Variants in ZNF219 observed in about 807,000 individuals in gnomAD.
ZNF219 encodes the protein zinc finger protein 219.
In ZNF219, 17 loss-of-function variants were observed where a neutral mutation model predicts 54.4. The observed-to-expected ratio is 0.31, with a 90% CI of 0.21 to 0.47. The LOEUF (loss-of-function observed/expected upper bound fraction) is 0.47, where lower values mean the gene tolerates loss of function less well. Ranked by LOEUF, ZNF219 falls within the 20% of genes least tolerant of loss-of-function variation. ZNF219 has a pLI of 1.00. For synonymous variants in ZNF219, 518 were observed against 476.4 expected (o/e 1.09, Z -1.14); for missense variants, 1,014 against 1,062.3 (o/e 0.95, Z 0.63).
At chr14:21,103,437 C>G, upstream of ZNF219, 1 of 1,046,144 alleles carries the variant, frequency 9.6e-7, no homozygotes, top group South Asian at 1.7e-5. Context: ...CCTCACCTCA[C>G]CACCCTGAAA....
chr14:21,101,103 G>A (rs117857096), upstream of ZNF219: 207 of 372,454 alleles, frequency 5.6e-4, no homozygotes, highest in East Asian at 6.0e-3. Flanking sequence ...CAAGTTTGTC[G>A]TCTGCTCTGA....
At chr14:21,102,596 GCGGGGT>G (rs1457957343), upstream of ZNF219, 1 of 1,551,184 alleles carries the variant, frequency 6.4e-7, no homozygotes, top group Non-Finnish European at 8.7e-7. Flanking sequence ...GCAAACAGGT[GCGGGGT>G]CCCTGCATTC....
chr14:21,103,080 G>C, upstream of ZNF219: 10 of 1,550,824 alleles, frequency 6.4e-6, no homozygotes, highest in South Asian at 1.2e-5. Flanking sequence ...AGTTGTTTCT[G>C]TCTGGGGTTT....
chr14:21,101,992 G>T (rs1292700606), upstream of ZNF219: 1 of 1,551,024 alleles, frequency 6.4e-7, no homozygotes, highest in Non-Finnish European at 8.7e-7. Context: ...CCCACCACAA[G>T]GGAGGGTGGA....
intron 3 of ZNF219, 139 bp downstream of exon 3, chr14:21,091,726 G>A (rs1453158053): frequency 2.8e-6 from 4 of 1,442,882 alleles, no homozygotes; most frequent in Non-Finnish European, 3.6e-6. Flanking sequence ...AAGCCTCCAG[G>A]AAAACAAAAC....
upstream of ZNF219, chr14:21,101,457 G>A (rs1409438278): frequency 6.4e-7 from 1 of 1,550,772 alleles, no homozygotes; most frequent in Non-Finnish European, 8.7e-7. Context: ...TAGCGGTGAG[G>A]CCAGGCTACC....
rs773258679 is a variant in ZNF219 at position 21,092,935 on chromosome 14, A to T, written c.362T>A (p.Leu121Gln). ...RPRSPAARLL[L>Q]ELEERALLRE... ...TAGTAGCGCGCGCTCTTCCAACTCC[A>T]GCAACAGGCGTGCAGCAGGACTACG... The change falls in exon 3 of 5, where the codon CTG becomes CAG. Residue 121 changes from leucine (L) to glutamine (Q), a missense_variant. Around this residue, in one of 5 missense-constraint regions of ZNF219, gnomAD observed 395 missense variants for 415.1 expected, o/e 0.95. Transcript: ENST00000360947. 2 of 1,570,892 alleles carry T rather than the reference A, an allele frequency of 1.3e-6. No individual in the cohort carries two copies. Among genetic ancestry groups the T allele is most frequent in the African/African-American group, 1.4e-5 (1 of 73,524 alleles).
exon 1 of ZNF219, chr14:21,104,673 A>T: frequency 6.6e-6 from 1 of 152,258 alleles, no homozygotes; most frequent in East Asian, 1.9e-4. Flanking sequence ...TTGACATTGC[A>T]GTGGCGTCCG....
rs1339025789 is a variant in ZNF219 at position 21,093,610 on chromosome 14, T to G, written c.-19A>C. 1.9e-6 allele frequency: 3 copies of G among 1,614,150 alleles called. No homozygotes were observed. The Admixed American group carries it at 5.0e-5, about 27-fold the overall frequency. On this transcript the variant is annotated 5_prime_UTR_variant, in exon 2 of 5. Transcript: ENST00000360947. ...CCTCCATGGACCCCCTTCACATTCT[T>G]TGGTTCTGGGAAGTGCAGGGAAGAG...
At position 21,090,410 on chromosome 14, in the gene ZNF219, C is replaced by G; in HGVS notation, c.*126G>C. The G allele has an allele frequency of 7.4e-7, 1 of 1,342,366 alleles. No individual in the cohort carries two copies. Among genetic ancestry groups the G allele is most frequent in the Non-Finnish European group, 1.0e-6 (1 of 994,456 alleles). 83.2% of individuals were successfully genotyped at this position (1,342,366 alleles called of 1,614,324 possible). ...CCTACGCCCGCCGCGCCTTCCACCT[C>G]TGGTCCGCCTGGGGCTGGGATATGG... On this transcript the variant is annotated 3_prime_UTR_variant, in exon 5 of 5. Coordinates refer to ENST00000360947, the MANE Select transcript of ZNF219 (RefSeq NM_016423.3). This position sits in a 1 kb window ranked among gnomAD's most constrained non-coding sequence, Gnocchi z 4.4.
rs762261719 is a variant in ZNF219, at chr14:21,090,800, C to T, written c.1905G>A (p.Pro635=). 1.9e-6 allele frequency: 3 copies of T among 1,572,830 alleles called. No homozygotes were observed. The highest frequency in any genetic ancestry group is 1.2e-5 in the South Asian group (1 of 86,202). Residue 635 remains proline (P), a synonymous_variant, in exon 5 of 5, where the codon CCG becomes CCA. Coordinates refer to ENST00000360947, the MANE Select transcript of ZNF219 (RefSeq NM_016423.3). The surrounding 1 kb of genome is among the most constrained non-coding windows in gnomAD (Gnocchi z 4.4). The part of the protein sequence containing the change: ...EPLDLSLRAG[P]GGEAGPGGAL... ...CACCCCCAGGCCCGGCCTCGCCTCC[C>T]GGCCCTGCCCGCAAGGACAGGTCCA...
At chr14:21,093,809 A>T in intron 1 of ZNF219, 135 bp from the exon 2 acceptor site, 1 of 766,654 alleles carries the variant, frequency 1.3e-6, no homozygotes, top group Non-Finnish European at 2.2e-6. Flanking sequence ...TTGAGGCACG[A>T]AGGGGCTGCT....
rs1280566846 is a variant in ZNF219 at position 21,092,774 on chromosome 14, A to C, written c.523T>G (p.Ser175Ala). 2 of 1,582,322 alleles carry C rather than the reference A, an allele frequency of 1.3e-6. No homozygotes were observed. The highest frequency in any genetic ancestry group is 1.7e-6 in the Non-Finnish European group (2 of 1,163,530). The change falls in exon 3 of 5, where the codon TCG becomes GCG. Residue 175 changes from serine (S) to alanine (A), a missense_variant. By Grantham distance (99) the Ser-to-Ala change is moderately conservative. This residue lies in a region of ZNF219 where 395 missense variants were observed against 415.1 expected (regional missense o/e 0.95). Transcript: ENST00000360947. Reference protein sequence around the residue: ...CPYCKGKFRTSAERERHLHIL... With the variant: ...CPYCKGKFRTAAERERHLHIL... ...TGCAGGTGGCGTTCGCGCTCCGCCG[A>C]GGTGCGAAACTTGCCTTTGCAGTAG...
At position 21,096,674 on chromosome 14, in the gene ZNF219, T is replaced by C. The variant is rs80159045; in HGVS notation, c.-84+1638A>G. Among the ~76,000 whole-genome samples, 1,324 of 152,280 alleles carry C rather than the reference T, an allele frequency of 8.7e-3. 15 individuals are homozygous for C. Among genetic ancestry groups the C allele is most frequent in the African/African-American group, 0.03 (1,237 of 41,534 alleles). On this transcript the variant is annotated intron_variant, in intron 1 of 4. Coordinates refer to ENST00000360947, the MANE Select transcript of ZNF219 (RefSeq NM_016423.3). ...TTCTATAAGGATGCGGGGCCAGGGA[T>C]AGATATCAGAAACCTTTCAAAAGCA...
intron 1 of ZNF219, chr14:21,104,041 G>C (rs1194819206): frequency 1.3e-5 from 2 of 152,354 alleles, no homozygotes; most frequent in Non-Finnish European, 2.9e-5. Context: ...GCGAGAAAGG[G>C]GTTGGAGATG....
upstream of ZNF219, chr14:21,103,218 G>A (rs765124716): frequency 6.4e-6 from 10 of 1,551,548 alleles, no homozygotes; most frequent in South Asian, 5.9e-5. Context: ...GAGAGGGTGG[G>A]ACAGCGGGAA....
intron 1 of ZNF219, among the ~76,000 whole-genome samples, chr14:21,094,229 GGAGA>G (rs1889146636): frequency 6.6e-6 from 1 of 152,108 alleles, no homozygotes. Flanking sequence ...TTCATGCATG[GGAGA>G]GAAACACCTC....
Position 21,090,888 on chromosome 14 carries a change from C to G in ZNF219, c.1817G>C (p.Arg606Pro), listed in dbSNP as rs775720382. The G allele has an allele frequency of 6.5e-7, 1 of 1,549,786 alleles. No homozygotes were observed. Among genetic ancestry groups the G allele is most frequent in the South Asian group, 1.2e-5 (1 of 84,390 alleles). ...CCTCCCAGGGCTGGCGGGCTTCCGA[C>G]GGGACCCCGGCCCAGCACCGCTAGA... is the stretch of plus-strand genomic sequence containing the variant. ...PPSSGAGPGS[R>P]RKPASPGRTL... Residue 606 changes from arginine to proline, a missense_variant, in exon 5 of 5, where the codon CGT becomes CCT. Arg to Pro is a moderately radical substitution (Grantham distance 103, BLOSUM62 -2). This residue lies in a region of ZNF219 where 281 missense variants were observed against 271.2 expected (regional missense o/e 1.04). Coordinates refer to ENST00000360947, the MANE Select transcript of ZNF219 (RefSeq NM_016423.3). This position sits in a 1 kb window ranked among gnomAD's most constrained non-coding sequence, Gnocchi z 4.4.
intron 2 of ZNF219, 88 bp from the exon 3 acceptor site, chr14:21,093,378 A>T (rs1200138713): frequency 6.7e-7 from 1 of 1,498,804 alleles, no homozygotes; most frequent in East Asian, 2.3e-5. Flanking sequence ...GAAGGACAAC[A>T]CGAGGGAAGG....
Sources: allele counts gnomAD v4.1 joint callset (sites outside exome capture counted in the v4.1 genomes callset), GRCh38; gene constraint gnomAD v4.1.1; regional missense constraint gnomAD v4.1.1; non-coding constraint Gnocchi (gnomAD v3.1); transcripts MANE v1.5; gene names NCBI Gene and HGNC (gene_info 2026-07-23, HGNC 2026-07-21).